The following ST6GALNAC5 variants were observed in gnomAD, a reference collection of about 807,000 sequenced individuals.
ST6GALNAC5 encodes the protein alpha-N-acetylgalactosaminide alpha-2,6-sialyltransferase 5.
Under a neutral mutation model 33.6 loss-of-function variants are expected in ST6GALNAC5, and 27 were observed. That is an observed-to-expected ratio of 0.80 (90% CI 0.59 to 1.11). The LOEUF (loss-of-function observed/expected upper bound fraction) is 1.11, where lower values mean the gene tolerates loss of function less well. Ranked by LOEUF, ST6GALNAC5 falls within the 50% of genes least tolerant of loss-of-function variation. The pLI is 0.00. For synonymous variants in ST6GALNAC5, 194 were observed against 171.2 expected, an observed-to-expected ratio of 1.13 and a Z score of -1.04; for missense variants, 428 against 454.0, an observed-to-expected ratio of 0.94 and a Z score of 0.52.
At chr1:76,985,611 A>G (rs1649462660) in intron 2 of ST6GALNAC5, among the ~76,000 whole-genome samples, 3 of 152,192 alleles carry the variant, frequency 2.0e-5, no homozygotes, top group African/African-American at 7.2e-5. Context: ...ATTCAAGGCC[A>G]TCCCCTTAAG....
intron 4 of ST6GALNAC5, among the ~76,000 whole-genome samples, chr1:77,054,088 G>A (rs1374742950): frequency 2.0e-5 from 3 of 152,192 alleles, no homozygotes; most frequent in South Asian, 2.1e-4. Flanking sequence ...CAGCTAACTC[G>A]TGTTGGGTAC....
intron 2 of ST6GALNAC5, among the ~76,000 whole-genome samples, chr1:76,924,218 A>G (rs1647063021): frequency 6.6e-6 from 1 of 152,122 alleles, no homozygotes; most frequent in Non-Finnish European, 1.5e-5. Context: ...TTCCCATTCC[A>G]CTAAGCCCTT....
At chr1:77,037,898 A>G (rs1031191993) in intron 2 of ST6GALNAC5, among the ~76,000 whole-genome samples, 4 of 152,192 alleles carry the variant, frequency 2.6e-5, no homozygotes, top group Non-Finnish European at 5.9e-5. Context: ...AGAGGTATCA[A>G]GAAAGATCCT....
intron 2 of ST6GALNAC5, among the ~76,000 whole-genome samples, chr1:76,952,042 G>T (rs1647770069): frequency 6.6e-6 from 1 of 151,982 alleles, no homozygotes; most frequent in Non-Finnish European, 1.5e-5. Flanking sequence ...TTCCAGTTTT[G>T]TGCTGCTCAT....
chr1:76,976,685 C>T (rs1649025752), intron 2 of ST6GALNAC5, among the ~76,000 whole-genome samples: 1 of 152,064 alleles, frequency 6.6e-6, no homozygotes, highest in South Asian at 2.1e-4. Context: ...TGTATATTTG[C>T]ATCAAAATAA....
In ST6GALNAC5 at chr1:77,063,237, T is replaced by C. The variant is rs757842150; in HGVS notation, c.*31T>C. ...GAGCATGCCAGACTGTAATCCCAGG[T>C]ATTCACTGCATCAGACACCGAGACA... On this transcript the variant is annotated 3_prime_UTR_variant, in exon 5 of 5. Coordinates refer to ENST00000477717, the MANE Select transcript of ST6GALNAC5 (RefSeq NM_030965.3). The C allele has an allele frequency of 3.1e-6, 5 of 1,594,614 alleles. No homozygotes were observed. In the East Asian group the frequency reaches 8.9e-5, roughly 29 times the overall value.
chr1:76,893,129 C>T (rs1268170638), intron 2 of ST6GALNAC5, among the ~76,000 whole-genome samples: 1 of 152,110 alleles, frequency 6.6e-6, no homozygotes, highest in Non-Finnish European at 1.5e-5. Flanking sequence ...AATGTAGATC[C>T]TGCCCCCAAC....
intron 4 of ST6GALNAC5, among the ~76,000 whole-genome samples, chr1:77,053,878 T>G (rs1055336117): frequency 6.6e-6 from 1 of 152,174 alleles, no homozygotes; most frequent in Non-Finnish European, 1.5e-5. Context: ...CTGCTCAAAG[T>G]GTGCCTGGCC....
chr1:77,024,162 C>T (rs1424712346), intron 2 of ST6GALNAC5, among the ~76,000 whole-genome samples: 1 of 152,186 alleles, frequency 6.6e-6, no homozygotes, highest in Non-Finnish European at 1.5e-5. Context: ...ACCCAATGTG[C>T]TCCCCACAGA....
At chr1:76,875,957 G>A (rs1388322894) in intron 2 of ST6GALNAC5, among the ~76,000 whole-genome samples, 2 of 152,188 alleles carry the variant, frequency 1.3e-5, no homozygotes, top group African/African-American at 4.8e-5. Context: ...CCATGAGCAT[G>A]AGCCCACTGC....
intron 2 of ST6GALNAC5, among the ~76,000 whole-genome samples, chr1:76,927,223 A>G (rs935651454): frequency 8.6e-5 from 13 of 151,988 alleles, no homozygotes; most frequent in African/African-American, 2.7e-4. Flanking sequence ...TTAATATTGT[A>G]TTGCTTTTGT....
intron 2 of ST6GALNAC5, among the ~76,000 whole-genome samples, chr1:76,883,866 T>A (rs1653838343): frequency 6.6e-6 from 1 of 152,234 alleles, no homozygotes; most frequent in Non-Finnish European, 1.5e-5. Flanking sequence ...CTCAACTCCA[T>A]GAAACTTATA....
rs145130409 is a variant in ST6GALNAC5 at position 76,995,958 on chromosome 1, A to G, written c.262-48246A>G. On this transcript the variant is annotated intron_variant, in intron 2 of 4. Coordinates refer to ENST00000477717, the MANE Select transcript of ST6GALNAC5 (RefSeq NM_030965.3). Reference sequence around the variant, plus strand: ...ATGGCTAAAGGAGAGAGACCATTAGACATTACTACCTTTGGAAGTTCTCTT... The same window carrying G: ...ATGGCTAAAGGAGAGAGACCATTAGGCATTACTACCTTTGGAAGTTCTCTT... Among the ~76,000 whole-genome samples the G allele has an allele frequency of 3.2e-3, 481 of 152,296 alleles. 2 individuals carry two copies. Among genetic ancestry groups the G allele is most frequent in the African/African-American group, 0.011 (437 of 41,554 alleles).
chr1:76,981,116 C>A (rs1186650057), intron 2 of ST6GALNAC5, among the ~76,000 whole-genome samples: 2 of 152,162 alleles, frequency 1.3e-5, no homozygotes, highest in Non-Finnish European at 2.9e-5. Flanking sequence ...ACTGAGGTAC[C>A]TGGTTCATCT....
intron 2 of ST6GALNAC5, among the ~76,000 whole-genome samples, chr1:76,906,367 G>A (rs1436475183): frequency 6.6e-6 from 1 of 152,126 alleles, no homozygotes; most frequent in Non-Finnish European, 1.5e-5. Context: ...TCCTCCATGG[G>A]GGAAATGAAG....
chr1:77,039,376 G>C (rs1294010905), intron 2 of ST6GALNAC5, among the ~76,000 whole-genome samples: 1 of 152,200 alleles, frequency 6.6e-6, no homozygotes, highest in Non-Finnish European at 1.5e-5. Flanking sequence ...CCTGGACTCT[G>C]GTCATTATGG....
chr1:76,912,685 T>C (rs1646926989), intron 2 of ST6GALNAC5, among the ~76,000 whole-genome samples: 1 of 150,966 alleles, frequency 6.6e-6, no homozygotes, highest in Admixed American at 6.6e-5. Context: ...GTAATGGCCT[T>C]CTTTGTCTCT....
intron 2 of ST6GALNAC5, among the ~76,000 whole-genome samples, chr1:76,976,226 G>GT (rs1375140966): frequency 1.3e-5 from 2 of 152,144 alleles, no homozygotes; most frequent in African/African-American, 4.8e-5. Context: ...ATTTGCAAAA[G>GT]TATGTGCTTT....
At chr1:76,881,042 C>T (rs1258718982) in intron 2 of ST6GALNAC5, among the ~76,000 whole-genome samples, 2 of 152,132 alleles carry the variant, frequency 1.3e-5, no homozygotes, top group African/African-American at 4.8e-5. Context: ...ACAAGTCATT[C>T]CTTAAAACCT....
Sources: gnomAD v4.1 joint callset for allele counts (sites outside exome capture counted in the v4.1 genomes callset) on GRCh38, gnomAD v4.1.1 for gene constraint, MANE v1.5 for transcripts, NCBI Gene and HGNC (gene_info 2026-07-23, HGNC 2026-07-21) for gene names.